YY1AP1: variants seen among roughly 807,000 people sequenced by gnomAD.
YY1AP1 encodes the protein YY1 associated protein 1, also known as YY1-associated protein 1.
YY1AP1 carries 43 observed loss-of-function variants against 39.9 expected under a neutral mutation model. The observed-to-expected ratio is 1.08, with a 90% CI of 0.84 to 1.39. The LOEUF is 1.39. Ranked by LOEUF, YY1AP1 falls within the 40% of genes most tolerant of loss-of-function variation. The pLI, the probability that YY1AP1 is intolerant of heterozygous loss-of-function variation, is 0.00. For synonymous variants in YY1AP1, 292 were observed against 331.3 expected (o/e 0.88, Z 1.29); for missense variants, 813 against 900.7 (o/e 0.90, Z 1.25).
chr1:155,661,758 C>G (rs1436209779), intron 9 of YY1AP1, among the ~76,000 whole-genome samples: 1 of 152,198 alleles, frequency 6.6e-6, no homozygotes, highest in Non-Finnish European at 1.5e-5. Flanking sequence ...CAGGTTCACG[C>G]CATTCTCCTG....
At chr1:155,675,285 C>G (rs953593624) in intron 5 of YY1AP1, among the ~76,000 whole-genome samples, 189 bp from the exon 6 acceptor site, 10 of 151,952 alleles carry the variant, frequency 6.6e-5, no homozygotes, top group African/African-American at 2.4e-4. Context: ...CTCAGCCTCC[C>G]AAGTAGCTGT....
At chr1:155,675,568 C>T (rs914810148) in intron 5 of YY1AP1, among the ~76,000 whole-genome samples, 3 of 152,058 alleles carry the variant, frequency 2.0e-5, no homozygotes, top group Non-Finnish European at 2.9e-5. Flanking sequence ...TCATGATTCA[C>T]CCGCCTTGGC....
intron 4 of YY1AP1, among the ~76,000 whole-genome samples, chr1:155,678,367 T>C (rs1391362198): frequency 6.6e-6 from 1 of 152,244 alleles, no homozygotes; most frequent in East Asian, 1.9e-4. Context: ...AGAAGGTAAC[T>C]GGATTCTAAC....
At chr1:155,670,276 C>T (rs1300528663) in intron 8 of YY1AP1, 44 bp downstream of exon 8, 2 of 1,611,170 alleles carry the variant, frequency 1.2e-6, no homozygotes, top group African/African-American at 1.3e-5. Flanking sequence ...AAAGGAACTA[C>T]ATCTTCTCCT....
At position 155,659,742 on chromosome 1, in the gene YY1AP1, A is replaced by C; in HGVS notation, c.2168T>G (p.Leu723Arg). 6.2e-7 allele frequency: 1 copy of C among 1,614,172 alleles called. No homozygotes were observed. ...TAAATCCCCAGGGGAAGAGTTGTTT[A>C]GAGACTCCTGGATGCCCTGAGGGAG... ...EPLPQGIQES[L>R]NNSSPGDLEE... The change falls in exon 11 of 11, where the codon CTA becomes CGA. Residue 723 changes from leucine (L) to arginine (R), a missense_variant. Physicochemically the swap from Leu to Arg is moderately radical, Grantham distance 102 (BLOSUM62 -2). Around this residue, in one of 3 missense-constraint regions of YY1AP1, gnomAD observed 586 missense variants for 647.4 expected, o/e 0.91. Coordinates refer to ENST00000355499, the MANE Select transcript of YY1AP1 (RefSeq NM_139119.3).
In YY1AP1 at chr1:155,660,110, G is replaced by C; in HGVS notation, c.1800C>G (p.Phe600Leu). The C allele has an allele frequency of 6.2e-7, 1 of 1,614,196 alleles. No homozygotes were observed. Among genetic ancestry groups the C allele is most frequent in the Non-Finnish European group, 8.5e-7 (1 of 1,180,034 alleles). The stretch of plus-strand genomic sequence containing the variant: ...CAAGGGGCTGGTTCAATGGACAGGG[G>C]AAGGAAGTAGGGTTAACCAAGAGGG... ...IATLLVNPTS[F>L]PCPLNQPLVA... Residue 600 changes from phenylalanine (F) to leucine (L), a missense_variant, in exon 11 of 11, where the codon TTC becomes TTG. This residue lies in a region of YY1AP1 where 586 missense variants were observed against 647.4 expected (regional missense o/e 0.91). Coordinates refer to ENST00000355499, the MANE Select transcript of YY1AP1 (RefSeq NM_139119.3).
chr1:155,688,662 C>A lies in YY1AP1; in HGVS notation c.-155G>T. Reference sequence around the variant, plus strand: ...CAGCGCAGGCCCTCACGCGTACCTTCAGCGGCGCGAGCCCAAGCCTTCTCC... The same window carrying A: ...CAGCGCAGGCCCTCACGCGTACCTTAAGCGGCGCGAGCCCAAGCCTTCTCC... On this transcript the variant is annotated 5_prime_UTR_variant, in exon 1 of 11. Coordinates refer to ENST00000355499, the MANE Select transcript of YY1AP1 (RefSeq NM_139119.3). 3 of 1,533,482 alleles carry A rather than the reference C, an allele frequency of 2.0e-6. No individual in the cohort carries two copies. The highest frequency in any genetic ancestry group is 2.6e-6 in the Non-Finnish European group (3 of 1,146,242). 95.0% of individuals were successfully genotyped at this position (1,533,482 alleles called of 1,614,324 possible).
In YY1AP1 at chr1:155,670,483, C is replaced by G; in HGVS notation, c.584-19G>C. 6.2e-7 allele frequency: 1 copy of G among 1,613,248 alleles called. No individual in the cohort carries two copies. Among genetic ancestry groups the G allele is most frequent in the Non-Finnish European group, 8.5e-7 (1 of 1,179,814 alleles). ...TCATTGGCTATAAGAAAATAAATCT[C>G]TGATAAATCAACTTCTAGGAAAAAA... On this transcript the variant is annotated intron_variant, in intron 7 of 10. Transcript: ENST00000355499.
At chr1:155,661,674 G>A (rs1371778264) in intron 9 of YY1AP1, among the ~76,000 whole-genome samples, 1 of 152,142 alleles carries the variant, frequency 6.6e-6, no homozygotes, top group Non-Finnish European at 1.5e-5. Context: ...TTTTCTTTTT[G>A]AGACGGAGTC....
chr1:155,660,968 A>G (rs757679233), intron 10 of YY1AP1, 55 bp from the exon 11 acceptor site: 7 of 1,612,318 alleles, frequency 4.3e-6, no homozygotes, highest in Non-Finnish European at 5.9e-6. Context: ...GGGAAAAAGA[A>G]TAGGACTTTC....
intron 6 of YY1AP1, 61 bp from the exon 7 acceptor site, chr1:155,672,792 T>C: frequency 6.2e-7 from 1 of 1,612,408 alleles, no homozygotes; most frequent in Non-Finnish European, 8.5e-7. Context: ...ACCAATAGCC[T>C]TCAGAATCTA....
chr1:155,666,797 C>T (rs879835518), intron 9 of YY1AP1, among the ~76,000 whole-genome samples: 9 of 151,916 alleles, frequency 5.9e-5, no homozygotes, highest in Non-Finnish European at 1.3e-4. Flanking sequence ...ATCAGGAGTT[C>T]AAGATCAGAC....
At chr1:155,666,025 C>A (rs1648954426) in intron 9 of YY1AP1, among the ~76,000 whole-genome samples, 1 of 151,844 alleles carries the variant, frequency 6.6e-6, no homozygotes, top group Non-Finnish European at 1.5e-5. Context: ...TACCTGAACA[C>A]ACTGAAAGAA....
chr1:155,664,008 TAAAA>T (rs34042481), intron 9 of YY1AP1, among the ~76,000 whole-genome samples: 2 of 123,316 alleles, frequency 1.6e-5, no homozygotes, highest in South Asian at 2.5e-4. Context: ...GACCATGTCT[TAAAA>T]AAAAAAAAAA....
chr1:155,679,033 A>G, intron 4 of YY1AP1: 1 of 925,038 alleles, frequency 1.1e-6, no homozygotes, highest in Non-Finnish European at 1.4e-6. Flanking sequence ...ACAAATTTTC[A>G]GTCACATTTA....
chr1:155,666,402 T>C (rs550483525), intron 9 of YY1AP1, among the ~76,000 whole-genome samples: 20 of 152,228 alleles, frequency 1.3e-4, no homozygotes, highest in African/African-American at 4.8e-4. Context: ...ATTACAGGCG[T>C]GAGCCACCGC....
chr1:155,688,987 C>T (rs771702169), upstream of YY1AP1: 3 of 1,602,670 alleles, frequency 1.9e-6, no homozygotes, highest in Non-Finnish European at 2.6e-6. Context: ...GGGACCGCGG[C>T]GAGGGGATCG....
intron 8 of YY1AP1, among the ~76,000 whole-genome samples, chr1:155,669,904 T>C (rs1209899579): frequency 6.6e-6 from 1 of 152,122 alleles, no homozygotes; most frequent in African/African-American, 2.4e-5. Context: ...ACGCTTGTGG[T>C]CCCAGCTACT....
chr1:155,687,226 A>G (rs934500263), intron 2 of YY1AP1, among the ~76,000 whole-genome samples: 11 of 151,868 alleles, frequency 7.2e-5, no homozygotes, highest in Admixed American at 2.0e-4. Flanking sequence ...GGCCCTTCAC[A>G]TTTACACAAC....
Sources: allele counts gnomAD v4.1 joint callset (sites outside exome capture counted in the v4.1 genomes callset), GRCh38; gene constraint gnomAD v4.1.1; regional missense constraint gnomAD v4.1.1; transcripts MANE v1.5; gene names NCBI Gene and HGNC (gene_info 2026-07-23, HGNC 2026-07-21).